The following ROBO2 variants were observed in gnomAD, a reference collection of about 807,000 sequenced individuals.
ROBO2 encodes roundabout guidance receptor 2, also known as roundabout homolog 2.
In ROBO2, 53 loss-of-function variants were observed where a neutral mutation model predicts 160.8. That is an observed-to-expected ratio of 0.33 (90% CI 0.26 to 0.41). The LOEUF is 0.41. Ranked by LOEUF, ROBO2 falls within the 10% of genes least tolerant of loss-of-function variation. The pLI is 1.00. For missense variants in ROBO2, 1,577 were observed against 1,722.4 expected (o/e 0.92, Z 1.49); for synonymous variants, 664 against 611.7 (o/e 1.09, Z -1.26).
chr3:76,438,262 T>G (rs2076772769), intron 2 of ROBO2, among the ~76,000 whole-genome samples: 1 of 152,090 alleles, frequency 6.6e-6, no homozygotes, highest in South Asian at 2.1e-4. Context: ...CATCCTCAAT[T>G]GGTATTTTTG....
intron 16 of ROBO2, among the ~76,000 whole-genome samples, chr3:77,586,370 G>A (rs539861028): frequency 1.3e-5 from 2 of 152,198 alleles, no homozygotes; most frequent in Admixed American, 6.5e-5. Context: ...ATAATATGTG[G>A]AACAGCTGCA....
In ROBO2 at chr3:76,719,555, G is replaced by T. The variant is rs117354711; in HGVS notation, c.110-378459G>T. Among the ~76,000 whole-genome samples the T allele has an allele frequency of 4.6e-5, 7 of 152,222 alleles. No homozygotes were observed. In the South Asian group the frequency reaches 1.0e-3, roughly 23 times the overall value. ...CATCTGAAATACATATCATTAATTCGTTCTGAATTTTGTTGTTAACAATTT... is the reference window on the plus strand; with the variant it reads ...CATCTGAAATACATATCATTAATTCTTTCTGAATTTTGTTGTTAACAATTT... On this transcript the variant is annotated intron_variant, in intron 2 of 26. Transcript: ENST00000487694.
At chr3:77,500,688 T>C (rs916036316) in intron 5 of ROBO2, among the ~76,000 whole-genome samples, 1 of 152,200 alleles carries the variant, frequency 6.6e-6, no homozygotes, top group African/African-American at 2.4e-5. Flanking sequence ...ACAGGATTAA[T>C]TGACAACTTT....
Position 77,206,185 on chromosome 3 carries a change from T to C in ROBO2, c.388+107845T>C, listed in dbSNP as rs72891595. On this transcript the variant is annotated intron_variant, in intron 2 of 25. Coordinates refer to ENST00000461745, the Ensembl canonical transcript of ROBO2. Reference sequence around the variant, plus strand: ...TGTTTTTTTCTTATTTTATTTTATTTTGAGACAGAATTTTGCTCTTGTTGC... The same window carrying C: ...TGTTTTTTTCTTATTTTATTTTATTCTGAGACAGAATTTTGCTCTTGTTGC... Among the ~76,000 whole-genome samples, 1,104 of 152,212 alleles carry C rather than the reference T, an allele frequency of 7.3e-3. 13 individuals carry two copies. Among genetic ancestry groups the C allele is most frequent in the African/African-American group, 0.024 (1,012 of 41,524 alleles).
chr3:77,395,893 T>C (rs900884786), intron 2 of ROBO2, among the ~76,000 whole-genome samples: 4 of 152,112 alleles, frequency 2.6e-5, no homozygotes, highest in Admixed American at 6.6e-5. Context: ...AAAGTCCTTT[T>C]GTTTTGTTAG....
At chr3:77,466,580 G>A (rs1018954355) in intron 2 of ROBO2, among the ~76,000 whole-genome samples, 2 of 152,146 alleles carry the variant, frequency 1.3e-5, no homozygotes, top group Non-Finnish European at 2.9e-5. Context: ...GCAGAATCAA[G>A]TTGTGAGCCC....
Position 76,948,162 on chromosome 3 carries a change from A to G in ROBO2, c.110-149852A>G, listed in dbSNP as rs1244550351. ...AAGTAGACTTCTAGCTTTATTATTC[A>G]TGTTGAAAAGTAAAGAAAGTATAAT... On this transcript the variant is annotated intron_variant, in intron 2 of 26. Coordinates refer to the ROBO2 transcript ENST00000487694. Among the ~76,000 whole-genome samples, 7 of 152,186 alleles carry G rather than the reference A, an allele frequency of 4.6e-5. No individual in the cohort carries two copies. The East Asian group carries it at 1.3e-3, about 29-fold the overall frequency.
At chr3:77,082,571 A>C (rs2068779001) in intron 1 of ROBO2, among the ~76,000 whole-genome samples, 1 of 152,132 alleles carries the variant, frequency 6.6e-6, no homozygotes, top group Non-Finnish European at 1.5e-5. Context: ...GACTGTTGAT[A>C]TATTTCTCCT....
At chr3:76,190,792 C>T (rs1273919735) in intron 2 of ROBO2, among the ~76,000 whole-genome samples, 1 of 151,998 alleles carries the variant, frequency 6.6e-6, no homozygotes, top group Non-Finnish European at 1.5e-5. Flanking sequence ...ATTGCTGTAC[C>T]TAATATTTTC....
chr3:76,174,588 C>A (rs906315228), intron 2 of ROBO2, among the ~76,000 whole-genome samples: 1 of 152,118 alleles, frequency 6.6e-6, no homozygotes, highest in Non-Finnish European at 1.5e-5. Flanking sequence ...TATGGCTAGT[C>A]AGTTTTCCCA....
At chr3:77,472,697 AC>A (rs2083479843) in intron 2 of ROBO2, among the ~76,000 whole-genome samples, 1 of 152,078 alleles carries the variant, frequency 6.6e-6, no homozygotes, top group Non-Finnish European at 1.5e-5. Context: ...GAATGTACCT[AC>A]CATATCCCTT....
chr3:77,152,034 A>G (rs1044892796), intron 2 of ROBO2, among the ~76,000 whole-genome samples: 8 of 152,082 alleles, frequency 5.3e-5, no homozygotes, highest in Non-Finnish European at 1.0e-4. Flanking sequence ...ATTTTTAACA[A>G]TCTCCTGCTC....
intron 2 of ROBO2, among the ~76,000 whole-genome samples, chr3:76,695,223 C>T (rs1052611559): frequency 1.3e-4 from 20 of 152,166 alleles, no homozygotes; most frequent in Non-Finnish European, 2.6e-4. Flanking sequence ...ACCCCTGAAC[C>T]TCTGGAATAA....
At chr3:77,493,850 C>A (rs2086445515) in intron 5 of ROBO2, among the ~76,000 whole-genome samples, 1 of 152,144 alleles carries the variant, frequency 6.6e-6, no homozygotes, top group Non-Finnish European at 1.5e-5. Flanking sequence ...CAGCATAACA[C>A]TGAAATGGTA....
At chr3:76,633,989 T>G (rs1051383185) in intron 2 of ROBO2, among the ~76,000 whole-genome samples, 1 of 152,238 alleles carries the variant, frequency 6.6e-6, no homozygotes, top group Non-Finnish European at 1.5e-5. Flanking sequence ...CATTTTTAAA[T>G]GAGTCATTAA....
intron 2 of ROBO2, among the ~76,000 whole-genome samples, chr3:76,283,194 C>A (rs1479205834): frequency 1.1e-5 from 1 of 93,612 alleles, no homozygotes; most frequent in African/African-American, 3.4e-5. Flanking sequence ...CAGCATTGCA[C>A]CCTTGTTAAG....
At chr3:77,021,805 C>T (rs911331671) in intron 2 of ROBO2, among the ~76,000 whole-genome samples, 2 of 152,026 alleles carry the variant, frequency 1.3e-5, no homozygotes, top group South Asian at 2.1e-4. Flanking sequence ...TGAATTTAGC[C>T]CCCTTCCTCC....
At chr3:77,130,931 C>G (rs1344277520) in intron 2 of ROBO2, among the ~76,000 whole-genome samples, 2 of 152,104 alleles carry the variant, frequency 1.3e-5, no homozygotes, top group Non-Finnish European at 2.9e-5. Context: ...GTGCAAACTT[C>G]TTTCGTTAAC....
chr3:77,010,695 T>C (rs1017091009), intron 2 of ROBO2, among the ~76,000 whole-genome samples: 16 of 152,280 alleles, frequency 1.1e-4, no homozygotes, highest in Non-Finnish European at 2.4e-4. Flanking sequence ...GTTTTTCTCC[T>C]AGAGGCTTTT....
Sources: allele counts gnomAD v4.1 joint callset (sites outside exome capture counted in the v4.1 genomes callset), GRCh38; gene constraint gnomAD v4.1.1; transcripts MANE v1.5; gene names NCBI Gene and HGNC (gene_info 2026-07-23, HGNC 2026-07-21).